CASZ1: variants seen among roughly 807,000 people sequenced by gnomAD.
CASZ1 encodes the protein castor zinc finger 1, also known as zinc finger protein castor homolog 1.
A neutral mutation model predicts 135.2 loss-of-function variants in CASZ1; 28 were observed. The observed-to-expected ratio is 0.21, with a 90% CI of 0.15 to 0.28. The LOEUF (loss-of-function observed/expected upper bound fraction) is 0.28. Ranked by LOEUF, CASZ1 falls within the 10% of genes least tolerant of loss-of-function variation. CASZ1 has a pLI of 1.00. For synonymous variants in CASZ1, 1,068 were observed against 1,073.4 expected (o/e 0.99, Z 0.10); for missense variants, 2,161 against 2,453.3 (o/e 0.88, Z 2.52).
intron 4 of CASZ1, among the ~76,000 whole-genome samples, chr1:10,682,627 T>A (rs1557502396): frequency 6.6e-6 from 1 of 152,234 alleles, no homozygotes; most frequent in African/African-American, 2.4e-5. Flanking sequence ...CCGCTTGTCA[T>A]GTTTAATCAC....
Position 10,647,160 on chromosome 1 carries a change from TG to T in CASZ1, c.3497+640del, listed in dbSNP as rs927893805. The T allele has an allele frequency of 8.2e-6, 7 of 858,708 alleles. No homozygotes were observed. The highest frequency in any genetic ancestry group is 9.8e-6 in the Non-Finnish European group (7 of 713,410). The allele number at this position is 858,708 out of a possible 1,614,324, so 53.2% of individuals were successfully genotyped here. A position where few individuals can be genotyped will look rare whatever the true frequency, so the allele number is the denominator to read the frequency against. ...ACAGTGCTGGGCCCCTTCCATGCTG[TG>T]GGCCCAGCCCCAGTTGCTCAGAGAG... is the stretch of plus-strand genomic sequence containing the variant. On this transcript the variant is annotated intron_variant, in intron 16 of 20. Coordinates refer to ENST00000377022, the MANE Select transcript of CASZ1 (RefSeq NM_001079843.3). The surrounding 1 kb of genome is among the most constrained non-coding windows in gnomAD (Gnocchi z 4.9).
intron 2 of CASZ1, among the ~76,000 whole-genome samples, chr1:10,758,370 C>T (rs1355077792): frequency 2.7e-5 from 4 of 145,974 alleles, no homozygotes; most frequent in Non-Finnish European, 6.0e-5. Flanking sequence ...CTTGCTCTGT[C>T]GCCCAGACTG....
intron 1 of CASZ1, among the ~76,000 whole-genome samples, chr1:10,782,991 C>A (rs1384738201): frequency 1.3e-5 from 2 of 152,188 alleles, no homozygotes; most frequent in Non-Finnish European, 2.9e-5. Context: ...CAGCTCCAAT[C>A]CATTTGGAAC....
At chr1:10,688,584 C>T (rs909288191) in intron 4 of CASZ1, among the ~76,000 whole-genome samples, 2 of 152,202 alleles carry the variant, frequency 1.3e-5, no homozygotes, top group Non-Finnish European at 2.9e-5. Flanking sequence ...GACCGCTCCT[C>T]TCCCTCCACT....
intron 9 of CASZ1, 27 bp downstream of exon 9, chr1:10,655,622 C>T (rs1161915927): frequency 6.3e-7 from 1 of 1,595,614 alleles, no homozygotes; most frequent in Non-Finnish European, 8.5e-7. Context: ...CCTGCAGCTG[C>T]CCAGTGGGCC....
chr1:10,776,664 G>C lies in CASZ1; in HGVS notation c.-233-15807C>G, dbSNP rs999491097. On this transcript the variant is annotated intron_variant, in intron 1 of 20. Transcript: ENST00000377022. This position sits in a 1 kb window ranked among gnomAD's most constrained non-coding sequence, Gnocchi z 4.1. Reference sequence around the variant, plus strand: ...GCTCCTGGGAGTCCTGGGGAAACTGGCATCTCTGGTTTGACAGGTTGTGGG... The same window carrying C: ...GCTCCTGGGAGTCCTGGGGAAACTGCCATCTCTGGTTTGACAGGTTGTGGG... Among the ~76,000 whole-genome samples the C allele has an allele frequency of 1.3e-5, 2 of 152,188 alleles. No individual in the cohort carries two copies. Among genetic ancestry groups the C allele is most frequent in the African/African-American group, 4.8e-5 (2 of 41,436 alleles).
Position 10,655,742 on chromosome 1 carries a change from G to A in CASZ1, c.1572C>T (p.His524=), listed in dbSNP as rs200973800. 2.4e-5 allele frequency: 39 copies of A among 1,614,186 alleles called. No homozygotes were observed. In the Admixed American group the frequency reaches 4.8e-4, roughly 20 times the overall value. Residue 524 remains histidine (H), a synonymous_variant, in exon 9 of 21, where the codon CAC becomes CAT. Transcript: ENST00000377022. Reference sequence around the variant, plus strand: ...CCAGCGGGCTGAAACGCATGAAGCCGTGCTGCAGGGAGTTGTCGCGCTTCT... The same window carrying A: ...CCAGCGGGCTGAAACGCATGAAGCCATGCTGCAGGGAGTTGTCGCGCTTCT... The part of the protein sequence containing the change: ...MHKKRDNSLQ[H]GFMRFSPLDD...
intron 2 of CASZ1, among the ~76,000 whole-genome samples, chr1:10,752,516 G>A (rs1022740010): frequency 3.9e-5 from 6 of 152,258 alleles, no homozygotes; most frequent in Middle Eastern, 3.4e-3. Flanking sequence ...GCAAGTGGCC[G>A]GCGTTTGCCT....
At chr1:10,773,120 C>T (rs1171282484) in intron 1 of CASZ1, among the ~76,000 whole-genome samples, 1 of 152,060 alleles carries the variant, frequency 6.6e-6, no homozygotes, top group Non-Finnish European at 1.5e-5. Context: ...AAGCCCACGA[C>T]AGATCCTGCT....
rs546124104 is a variant in CASZ1 at position 10,678,506 on chromosome 1, C to T, written c.17-12935G>A. Reference sequence around the variant, plus strand: ...GCAGCACCGCCCCCGCGAGGGGGCCCGAGGCCGGGGCTGAAGATCCCAGTG... The same window carrying T: ...GCAGCACCGCCCCCGCGAGGGGGCCTGAGGCCGGGGCTGAAGATCCCAGTG... On this transcript the variant is annotated intron_variant, in intron 4 of 20. Coordinates refer to ENST00000377022, the MANE Select transcript of CASZ1 (RefSeq NM_001079843.3). 6.3e-3 allele frequency among the ~76,000 whole-genome samples: 956 copies of T among 151,080 alleles called. 7 individuals are homozygous for T. The highest frequency in any genetic ancestry group is 0.011 in the Non-Finnish European group (739 of 67,548).
rs12073762 is a variant in CASZ1, at chr1:10,679,466, C to T, written c.17-13895G>A. On this transcript the variant is annotated intron_variant, in intron 4 of 20. Transcript: ENST00000377022. The surrounding 1 kb of genome is among the most constrained non-coding windows in gnomAD (Gnocchi z 4.7). ...GTCATTGTTCACCATCAGGATGACT[C>T]GGGCCAGCTGTCTCGATGGTGCTAC... Among the ~76,000 whole-genome samples, 10,133 of 152,184 alleles carry T rather than the reference C, an allele frequency of 0.067. 460 individuals are homozygous for T. Among genetic ancestry groups the T allele is most frequent in the East Asian group, 0.14 (703 of 5,168 alleles).
Position 10,757,251 on chromosome 1 carries a change from C to G in CASZ1, c.-77+3450G>C, listed in dbSNP as rs550434141. Among the ~76,000 whole-genome samples, 1 of 152,290 alleles carries G rather than the reference C, an allele frequency of 6.6e-6. No individual in the cohort carries two copies. Among genetic ancestry groups the G allele is most frequent in the East Asian group, 1.9e-4 (1 of 5,190 alleles). On this transcript the variant is annotated intron_variant, in intron 2 of 20. Coordinates refer to ENST00000377022, the MANE Select transcript of CASZ1 (RefSeq NM_001079843.3). This position sits in a 1 kb window ranked among gnomAD's most constrained non-coding sequence, Gnocchi z 4.6. The stretch of plus-strand genomic sequence containing the variant: ...AGGGGGCAGGAGAGAGAGGAGAAGA[C>G]ACAGAGCCACAAATCCGCGGGCACA...
chr1:10,708,971 AGGGGG>A (rs56961164), intron 2 of CASZ1, among the ~76,000 whole-genome samples: 2 of 24,336 alleles, frequency 8.2e-5, no homozygotes, highest in African/African-American at 2.3e-4. Context: ...GAGGACGGGG[AGGGGG>A]GGGGCCATGG....
intron 2 of CASZ1, among the ~76,000 whole-genome samples, chr1:10,712,642 T>C (rs989840915): frequency 6.6e-6 from 1 of 152,126 alleles, no homozygotes; most frequent in Non-Finnish European, 1.5e-5. Context: ...CTCCACAGGA[T>C]GTGCTGTGTG....
intron 2 of CASZ1, among the ~76,000 whole-genome samples, chr1:10,742,996 G>GAA (rs111871725): frequency 6.6e-6 from 1 of 151,560 alleles, no homozygotes; most frequent in African/African-American, 2.4e-5. Context: ...CAAAAAAGAA[G>GAA]AAAAAAAAGC....
In CASZ1 at chr1:10,647,322, C is replaced by T. The variant is rs1642391160; in HGVS notation, c.3497+479G>A. 9.9e-7 allele frequency: 1 copy of T among 1,006,400 alleles called. No homozygotes were observed. Among genetic ancestry groups the T allele is most frequent in the East Asian group, 1.1e-4 (1 of 9,422 alleles). 62.3% of individuals were successfully genotyped at this position (1,006,400 alleles called of 1,614,324 possible). ...CACCACCATCCAGTGAGGAGGGTCCCTTCCACCCAAGAGCTCAGACCACTG... is the reference window on the plus strand; with the variant it reads ...CACCACCATCCAGTGAGGAGGGTCCTTTCCACCCAAGAGCTCAGACCACTG... On this transcript the variant is annotated intron_variant, in intron 16 of 20. Coordinates refer to ENST00000377022, the MANE Select transcript of CASZ1 (RefSeq NM_001079843.3). This position sits in a 1 kb window ranked among gnomAD's most constrained non-coding sequence, Gnocchi z 4.9.
rs376235656 is a variant in CASZ1 at position 10,794,071 on chromosome 1, C to T, written c.-234+2493G>A. Among the ~76,000 whole-genome samples the T allele has an allele frequency of 9.2e-5, 14 of 152,280 alleles. No homozygotes were observed. The highest frequency in any genetic ancestry group is 3.4e-4 in the African/African-American group (14 of 41,578). ...GCTCAGCCCCCGGGGAACAACTACC[C>T]CCCTCCCCATGCCCGGCGCAGCTGC... On this transcript the variant is annotated intron_variant, in intron 1 of 20. Transcript: ENST00000377022. This position sits in a 1 kb window ranked among gnomAD's most constrained non-coding sequence, Gnocchi z 5.6.
At position 10,788,270 on chromosome 1, in the gene CASZ1, C is replaced by T. The variant is rs373182910; in HGVS notation, c.-234+8294G>A. On this transcript the variant is annotated intron_variant, in intron 1 of 20. Transcript: ENST00000377022. The surrounding 1 kb of genome is among the most constrained non-coding windows in gnomAD (Gnocchi z 4.1). ...TCACAGAGCAACCTGAGTGCTAGCCCCGATCCACCTATGGGGTCCCCTGGG... is the reference window on the plus strand; with the variant it reads ...TCACAGAGCAACCTGAGTGCTAGCCTCGATCCACCTATGGGGTCCCCTGGG... Among the ~76,000 whole-genome samples the T allele has an allele frequency of 2.6e-5, 4 of 152,228 alleles. No individual in the cohort carries two copies. In the South Asian group the frequency reaches 8.3e-4, roughly 32 times the overall value.
intron 1 of CASZ1, among the ~76,000 whole-genome samples, chr1:10,768,404 G>C (rs948814454): frequency 2.0e-5 from 3 of 152,166 alleles, no homozygotes; most frequent in Admixed American, 6.5e-5. Context: ...TTTTAGTAGA[G>C]ATGGGGTTTC....
Sources: allele counts gnomAD v4.1 joint callset (sites outside exome capture counted in the v4.1 genomes callset), GRCh38; gene constraint gnomAD v4.1.1; non-coding constraint Gnocchi (gnomAD v3.1); transcripts MANE v1.5; gene names NCBI Gene and HGNC (gene_info 2026-07-23, HGNC 2026-07-21).